The following CCR5AS variants were observed in gnomAD, a reference collection of about 807,000 sequenced individuals.
The protein encoded by CCR5AS is CCR5 antisense RNA.
intron 2 of CCR5AS, among the ~76,000 whole-genome samples, chr3:46,372,515 T>A (rs1559567595): frequency 6.7e-6 from 1 of 149,402 alleles, no homozygotes; most frequent in Non-Finnish European, 1.5e-5. Flanking sequence ...GGCGACAGAG[T>A]GAGACCCTGT....
At chr3:46,402,797 T>C (rs1428339227) in intron 1 of CCR5AS, among the ~76,000 whole-genome samples, 1 of 152,210 alleles carries the variant, frequency 6.6e-6, no homozygotes, top group Non-Finnish European at 1.5e-5. Context: ...GTAGGTAACC[T>C]TTTGTCATGA....
At chr3:46,374,042 G>A (rs1409081962) in intron 2 of CCR5AS, 15 of 989,974 alleles carry the variant, frequency 1.5e-5, no homozygotes, top group Admixed American at 9.5e-5. Context: ...CTGGGGGTGG[G>A]GTGGGAGAGG....
At chr3:46,399,385 G>A (rs1278744688) in intron 1 of CCR5AS, among the ~76,000 whole-genome samples, 1 of 152,182 alleles carries the variant, frequency 6.6e-6, no homozygotes, top group Non-Finnish European at 1.5e-5. Flanking sequence ...AAGCCAGGCT[G>A]CAGGGTGTAG....
At chr3:46,390,673 A>C (rs1701903891) in intron 2 of CCR5AS, among the ~76,000 whole-genome samples, 1 of 152,178 alleles carries the variant, frequency 6.6e-6, no homozygotes, top group African/African-American at 2.4e-5. Flanking sequence ...GTAAAAGTGC[A>C]GCAAAGAGAT....
At chr3:46,403,826 C>T (rs554070514) in intron 1 of CCR5AS, among the ~76,000 whole-genome samples, 18 of 152,214 alleles carry the variant, frequency 1.2e-4, no homozygotes, top group Non-Finnish European at 1.9e-4. Flanking sequence ...AAGCCACTGT[C>T]GTGGTGTCGG....
intron 1 of CCR5AS, among the ~76,000 whole-genome samples, chr3:46,394,918 G>T (rs965326109): frequency 6.6e-6 from 1 of 152,178 alleles, no homozygotes; most frequent in Non-Finnish European, 1.5e-5. Flanking sequence ...GGCATGGGTG[G>T]AGAGGAGTTT....
chr3:46,399,981 C>T (rs1174300350), intron 1 of CCR5AS, among the ~76,000 whole-genome samples: 5 of 152,192 alleles, frequency 3.3e-5, no homozygotes, highest in South Asian at 4.1e-4. Context: ...CATAGCTAAG[C>T]GGTTTTACTT....
intron 2 of CCR5AS, among the ~76,000 whole-genome samples, chr3:46,391,509 G>A (rs1476740373): frequency 3.3e-5 from 5 of 152,204 alleles, no homozygotes; most frequent in Non-Finnish European, 7.3e-5. Context: ...TCTGGGTCTA[G>A]AGAGGTAAAG....
chr3:46,373,354 T>C, intron 2 of CCR5AS: 1 of 1,614,208 alleles, frequency 6.2e-7, no homozygotes. Flanking sequence ...ACAAGTGTGA[T>C]CACTTGGGTG....
chr3:46,369,123 G>A (rs914786432), intron 3 of CCR5AS, among the ~76,000 whole-genome samples: 8 of 152,126 alleles, frequency 5.3e-5, no homozygotes, highest in Admixed American at 3.9e-4. Context: ...CCGAGGGTGG[G>A]TGCCCAAAAG....
intron 3 of CCR5AS, among the ~76,000 whole-genome samples, chr3:46,368,512 A>C (rs1370361066): frequency 1.3e-5 from 2 of 152,174 alleles, no homozygotes; most frequent in Admixed American, 1.3e-4. Context: ...ACTAGAACAC[A>C]CCTCTGGACC....
chr3:46,366,887 G>A (rs976338723), intron 3 of CCR5AS, among the ~76,000 whole-genome samples: 1 of 152,200 alleles, frequency 6.6e-6, no homozygotes, highest in African/African-American at 2.4e-5. Context: ...CTAGGGACAG[G>A]AAGAGTGTAC....
At chr3:46,381,951 T>C (rs1701821009) in intron 2 of CCR5AS, among the ~76,000 whole-genome samples, 2 of 152,158 alleles carry the variant, frequency 1.3e-5, no homozygotes, top group Non-Finnish European at 2.9e-5. Context: ...AAAAAGAAAT[T>C]ATTTAGGTGG....
chr3:46,403,953 C>G (rs1302493334), intron 1 of CCR5AS, among the ~76,000 whole-genome samples: 1 of 152,190 alleles, frequency 6.6e-6, no homozygotes, highest in East Asian at 1.9e-4. Flanking sequence ...AACTCTGCCT[C>G]TTACTGCGAC....
intron 1 of CCR5AS, among the ~76,000 whole-genome samples, chr3:46,394,027 A>G (rs1701938517): frequency 6.6e-6 from 1 of 152,194 alleles, no homozygotes. Flanking sequence ...AGTGCTCCCC[A>G]GCCAATCTTT....
intron 3 of CCR5AS, among the ~76,000 whole-genome samples, chr3:46,368,815 T>A (rs41499550): frequency 1.3e-5 from 2 of 152,086 alleles, no homozygotes; most frequent in Non-Finnish European, 2.9e-5. Flanking sequence ...GGGGTGAGTA[T>A]GTCTTCACAT....
intron 1 of CCR5AS, among the ~76,000 whole-genome samples, chr3:46,394,674 G>T (rs983893199): frequency 1.3e-5 from 2 of 152,186 alleles, no homozygotes; most frequent in Non-Finnish European, 2.9e-5. Flanking sequence ...ATGGGGTGGG[G>T]TCTCTCACAC....
intron 2 of CCR5AS, among the ~76,000 whole-genome samples, chr3:46,383,472 A>T (rs1029039136): frequency 1.3e-5 from 2 of 152,192 alleles, no homozygotes; most frequent in African/African-American, 4.8e-5. Flanking sequence ...GTTCTGGCAA[A>T]GCCCCATGGG....
chr3:46,401,222 C>T (rs778097463), intron 1 of CCR5AS, among the ~76,000 whole-genome samples: 16 of 152,086 alleles, frequency 1.1e-4, no homozygotes, highest in African/African-American at 2.2e-4. Flanking sequence ...GATTGGTCCA[C>T]GCAGGCCACA....
Sources: allele counts gnomAD v4.1 joint callset (sites outside exome capture counted in the v4.1 genomes callset), GRCh38; gene constraint gnomAD v4.1.1; transcripts MANE v1.5; gene names NCBI Gene and HGNC (gene_info 2026-07-23, HGNC 2026-07-21).